The following STXBP5L variants were observed in gnomAD, a reference collection of about 807,000 sequenced individuals.
STXBP5L encodes the protein syntaxin-binding protein 5-like.
In STXBP5L, 65 loss-of-function variants were observed where a neutral mutation model predicts 144.5. The ratio of observed to expected loss-of-function variants is 0.45; its 90% confidence interval spans 0.37 to 0.55. STXBP5L has a LOEUF of 0.55. Ranked by LOEUF, STXBP5L falls within the 20% of genes least tolerant of loss-of-function variation. The probability of loss-of-function intolerance (pLI) is 0.00; values close to 1 mark genes in which losing one functional copy is unlikely to be tolerated. For missense variants in STXBP5L, 1,298 were observed against 1,405.5 expected, an observed-to-expected ratio of 0.92 and a Z score of 1.22; for synonymous variants, 505 against 469.6, an observed-to-expected ratio of 1.08 and a Z score of -0.97.
intron 3 of STXBP5L, among the ~76,000 whole-genome samples, chr3:121,007,481 C>T (rs1418483030): frequency 6.6e-6 from 1 of 151,820 alleles, no homozygotes; most frequent in Non-Finnish European, 1.5e-5. Context: ...TAAATGTTTG[C>T]TGGAATTCAA....
chr3:121,325,226 A>G (rs548581400), intron 20 of STXBP5L, among the ~76,000 whole-genome samples: 14 of 152,094 alleles, frequency 9.2e-5, no homozygotes, highest in East Asian at 1.9e-4. Context: ...TTACAACTCC[A>G]CAAAGTGTGA....
intron 3 of STXBP5L, among the ~76,000 whole-genome samples, chr3:120,971,658 C>T (rs1339240704): frequency 6.6e-6 from 1 of 151,390 alleles, no homozygotes; most frequent in Non-Finnish European, 1.5e-5. Context: ...CACACACACA[C>T]ACACATATAC....
chr3:121,221,528 T>TG (rs1371059470), intron 10 of STXBP5L, among the ~76,000 whole-genome samples: 2 of 151,386 alleles, frequency 1.3e-5, no homozygotes, highest in African/African-American at 4.8e-5. Context: ...AGTCGTGGCC[T>TG]TTTTTTGCAA....
At chr3:121,305,905 AAAT>A (rs1405449290) in intron 19 of STXBP5L, among the ~76,000 whole-genome samples, 2 of 152,326 alleles carry the variant, frequency 1.3e-5, no homozygotes, top group East Asian at 1.9e-4. Context: ...GAAACTACAA[AAAT>A]AATAAGTGAA....
chr3:121,116,385 T>G (rs1169582088), intron 6 of STXBP5L, among the ~76,000 whole-genome samples: 1 of 152,158 alleles, frequency 6.6e-6, no homozygotes, highest in African/African-American at 2.4e-5. Flanking sequence ...CTAGTTATAC[T>G]CTTGTCATGA....
At chr3:121,282,841 A>G (rs1402105149) in intron 19 of STXBP5L, among the ~76,000 whole-genome samples, 2 of 152,006 alleles carry the variant, frequency 1.3e-5, no homozygotes, top group Admixed American at 6.6e-5. Context: ...AAAATATACA[A>G]ACATATTTCT....
chr3:121,253,719 C>G (rs1194271975), intron 15 of STXBP5L, among the ~76,000 whole-genome samples: 2 of 150,756 alleles, frequency 1.3e-5, no homozygotes, highest in Non-Finnish European at 3.0e-5. Context: ...AGCTCCGCCC[C>G]CTGGGTTCAC....
At chr3:121,195,613 A>T (rs978091315) in intron 9 of STXBP5L, among the ~76,000 whole-genome samples, 4 of 152,238 alleles carry the variant, frequency 2.6e-5, no homozygotes, top group African/African-American at 9.6e-5. Context: ...TTATTATAAA[A>T]GCTGAATAAT....
At chr3:120,971,738 G>GTA (rs758149686) in intron 3 of STXBP5L, among the ~76,000 whole-genome samples, 13 of 149,336 alleles carry the variant, frequency 8.7e-5, no homozygotes, top group East Asian at 7.8e-4. Context: ...ATATATGTGT[G>GTA]TATATATATA....
chr3:121,121,901 CT>C (rs1421294630), intron 7 of STXBP5L, among the ~76,000 whole-genome samples, 197 bp downstream of exon 7: 1 of 150,996 alleles, frequency 6.6e-6, no homozygotes, highest in East Asian at 1.9e-4. Flanking sequence ...CAAATTAAGT[CT>C]TTAGCTTTAC....
intron 19 of STXBP5L, 114 bp from the exon 20 acceptor site, chr3:121,318,361 A>G (rs901877490): frequency 7.1e-6 from 4 of 566,960 alleles, no homozygotes. Context: ...CTTGGACATG[A>G]TAAAGTAGTT....
chr3:121,262,249 A>G (rs1450296790), intron 18 of STXBP5L, among the ~76,000 whole-genome samples: 2 of 152,192 alleles, frequency 1.3e-5, no homozygotes, highest in Non-Finnish European at 2.9e-5. Flanking sequence ...TCTCATATGC[A>G]AAATACATTC....
At chr3:121,369,430 T>C (rs566015667) in intron 20 of STXBP5L, among the ~76,000 whole-genome samples, 1 of 152,130 alleles carries the variant, frequency 6.6e-6, no homozygotes, top group Non-Finnish European at 1.5e-5. Flanking sequence ...TTTTCTTTCT[T>C]CTTTGTTCTT....
At chr3:120,918,672 GTAGT>G (rs1709219898) in intron 2 of STXBP5L, among the ~76,000 whole-genome samples, 1 of 152,076 alleles carries the variant, frequency 6.6e-6, no homozygotes, top group African/African-American at 2.4e-5. Flanking sequence ...AATCTAACAT[GTAGT>G]TAGTGTTTAA....
rs2043763774 is a variant in STXBP5L at position 121,315,763 on chromosome 3, A to G, written c.2111-2712A>G. ...ATGCTTATAATCCCAGCACTTTGGG[A>G]GGCTGAGGCAGGCAGATCACTTGAG... On this transcript the variant is annotated intron_variant, in intron 19 of 26. Coordinates refer to ENST00000471454, the MANE Select transcript of STXBP5L (RefSeq NM_001308330.2). Among the ~76,000 whole-genome samples, 3 of 152,106 alleles carry G rather than the reference A, an allele frequency of 2.0e-5. No individual in the cohort carries two copies. In the South Asian group the frequency reaches 6.2e-4, roughly 32 times the overall value.
chr3:121,018,891 G>A (rs1296530985), intron 3 of STXBP5L, among the ~76,000 whole-genome samples: 2 of 152,202 alleles, frequency 1.3e-5, no homozygotes, highest in South Asian at 2.1e-4. Flanking sequence ...TGAAGGAGGT[G>A]GATTGCTGCT....
At position 121,381,410 on chromosome 3, in the gene STXBP5L, A is replaced by C; in HGVS notation, c.2465A>C (p.Asp822Ala). The change falls in exon 22 of 27, where the codon GAC (aspartate) becomes GCC (alanine). Residue 822 changes from aspartate to alanine, a missense_variant. Asp to Ala is a moderately radical substitution (Grantham distance 126). Coordinates refer to ENST00000471454, the MANE Select transcript of STXBP5L (RefSeq NM_001308330.2). ...ATGGACTCCTTTGCACGGAAAAATG[A>C]CTCTACCATCTCTCCTTGTCTGTTC... Reference protein sequence around the residue: ...YFMDSFARKNDSTISPCLFVG... With the variant: ...YFMDSFARKNASTISPCLFVG... 6.2e-7 allele frequency: 1 copy of C among 1,610,310 alleles called. No individual in the cohort carries two copies. Among genetic ancestry groups the C allele is most frequent in the Non-Finnish European group, 8.5e-7 (1 of 1,178,778 alleles).
chr3:120,984,832 G>C (rs1942146130), intron 3 of STXBP5L, among the ~76,000 whole-genome samples: 2 of 151,576 alleles, frequency 1.3e-5, no homozygotes, highest in African/African-American at 4.8e-5. Context: ...TGTTGAGTTA[G>C]TTTCCTTTTC....
At chr3:121,325,181 A>G (rs948135499) in intron 20 of STXBP5L, among the ~76,000 whole-genome samples, 2 of 152,070 alleles carry the variant, frequency 1.3e-5, no homozygotes, top group Non-Finnish European at 2.9e-5. Flanking sequence ...AGCCTCCTGA[A>G]ATTAGGCATT....
Sources: gnomAD v4.1 joint callset for allele counts (sites outside exome capture counted in the v4.1 genomes callset) on GRCh38, gnomAD v4.1.1 for gene constraint, MANE v1.5 for transcripts, NCBI Gene and HGNC (gene_info 2026-07-23, HGNC 2026-07-21) for gene names.